CADPS: variants seen among roughly 807,000 people sequenced by gnomAD.
The protein encoded by CADPS is calcium-dependent secretion activator 1.
In CADPS, 57 loss-of-function variants were observed where a neutral mutation model predicts 167.3. The observed-to-expected ratio is 0.34, with a 90% CI of 0.28 to 0.42. The LOEUF (loss-of-function observed/expected upper bound fraction) is 0.42, where lower values mean the gene tolerates loss of function less well. CADPS is among the 20% of genes least tolerant of loss of function. CADPS has a pLI of 1.00. For missense variants in CADPS, 1,414 were observed against 1,738.1 expected, an observed-to-expected ratio of 0.81 and a Z score of 3.32; for synonymous variants, 676 against 635.3, an observed-to-expected ratio of 1.06 and a Z score of -0.96.
chr3:62,866,273 TTTTATAAA>T (rs1371055431), intron 1 of CADPS, among the ~76,000 whole-genome samples: 2 of 152,122 alleles, frequency 1.3e-5, no homozygotes, highest in Non-Finnish European at 2.9e-5. Context: ...TCTGAGAAGC[TTTTATAAA>T]AGTAAAAATT....
intron 3 of CADPS, among the ~76,000 whole-genome samples, chr3:62,741,426 T>C (rs1328666616): frequency 2.0e-5 from 3 of 152,192 alleles, no homozygotes; most frequent in East Asian, 3.8e-4. Flanking sequence ...TAATCCATTA[T>C]GATCAAGTAG....
rs34655412 is a variant in CADPS at position 62,491,536 on chromosome 3, A to AAC, written c.2885-58_2885-57dup. On this transcript the variant is annotated intron_variant, in intron 20 of 29. Coordinates refer to ENST00000383710, the MANE Select transcript of CADPS (RefSeq NM_003716.4). ...ACCCACAGCTACTTTATCAACGTAC[A>AAC]ACACACACACACACACACACAAACA... 6.6e-4 allele frequency: 667 copies of AAC among 1,004,776 alleles called. 2 individuals are homozygous for AAC. The highest frequency in any genetic ancestry group is 6.3e-3 in the African/African-American group (339 of 54,012). 62.2% of individuals were successfully genotyped at this position (1,004,776 alleles called of 1,614,324 possible).
At chr3:62,488,785 C>A (rs2063236255) in intron 21 of CADPS, among the ~76,000 whole-genome samples, 2 of 151,928 alleles carry the variant, frequency 1.3e-5, no homozygotes, top group South Asian at 4.1e-4. Context: ...CAACCACACC[C>A]AGCCCTTAGT....
chr3:62,645,870 G>A lies in CADPS; in HGVS notation c.1204-27C>T, dbSNP rs1481467722. The A allele has an allele frequency of 2.5e-6, 4 of 1,613,552 alleles. 1 individual carries two copies. In the Middle Eastern group the frequency reaches 5.0e-4, roughly 200 times the overall value. ...TGAAAAGAGAATTCCACATAATGGA[G>A]GTTATTGGCAAGGCCCCTGGCAGCA... On this transcript the variant is annotated intron_variant, in intron 5 of 29. Transcript: ENST00000383710.
intron 1 of CADPS, among the ~76,000 whole-genome samples, chr3:62,852,905 A>C (rs1327317724): frequency 7.2e-5 from 11 of 152,206 alleles, no homozygotes; most frequent in Admixed American, 7.2e-4. Context: ...CAGATCAGAG[A>C]TATGTTACTG....
At chr3:62,492,089 G>C (rs1026562148) in intron 20 of CADPS, among the ~76,000 whole-genome samples, 5 of 152,166 alleles carry the variant, frequency 3.3e-5, no homozygotes, top group East Asian at 1.9e-4. Flanking sequence ...AGTTAAGAGA[G>C]AGCGTCCCTA....
chr3:62,415,868 C>T (rs2049965212), intron 28 of CADPS, among the ~76,000 whole-genome samples: 1 of 152,140 alleles, frequency 6.6e-6, no homozygotes, highest in Admixed American at 6.5e-5. Flanking sequence ...AGTGGGGATG[C>T]TCTGCAAGTT....
At chr3:62,712,364 T>C (rs978359961) in intron 3 of CADPS, among the ~76,000 whole-genome samples, 4 of 152,230 alleles carry the variant, frequency 2.6e-5, no homozygotes, top group African/African-American at 7.2e-5. Flanking sequence ...AACACGGATA[T>C]TGGTAGTCTT....
At chr3:62,775,997 TTCCTCA>T (rs1445891457) in intron 1 of CADPS, among the ~76,000 whole-genome samples, 1 of 152,242 alleles carries the variant, frequency 6.6e-6, no homozygotes, top group African/African-American at 2.4e-5. Flanking sequence ...ACCAGCAGTC[TTCCTCA>T]TCATTGCTTT....
intron 3 of CADPS, among the ~76,000 whole-genome samples, chr3:62,733,306 G>A (rs1337232295): frequency 6.6e-6 from 1 of 152,182 alleles, no homozygotes; most frequent in Non-Finnish European, 1.5e-5. Context: ...TGTAATGAAG[G>A]CAAAGATGCC....
chr3:62,803,033 C>G (rs1193964745), intron 1 of CADPS, among the ~76,000 whole-genome samples: 3 of 152,152 alleles, frequency 2.0e-5, no homozygotes, highest in Non-Finnish European at 4.4e-5. Context: ...AAGGACAGGG[C>G]TGAGGCACAG....
At chr3:62,549,344 G>GTCT (rs1361419510) in intron 11 of CADPS, among the ~76,000 whole-genome samples, 16 of 151,782 alleles carry the variant, frequency 1.1e-4, no homozygotes, top group Admixed American at 3.9e-4. Flanking sequence ...GAGGTAAGAG[G>GTCT]AGAAAAAACT....
intron 9 of CADPS, among the ~76,000 whole-genome samples, chr3:62,564,982 A>G (rs2079875884): frequency 1.3e-5 from 2 of 152,194 alleles, no homozygotes; most frequent in Non-Finnish European, 2.9e-5. Context: ...CTAACCTGAT[A>G]TGGGTGATAA....
chr3:62,716,753 C>A (rs1057034425), intron 3 of CADPS, among the ~76,000 whole-genome samples: 1 of 152,172 alleles, frequency 6.6e-6, no homozygotes, highest in African/African-American at 2.4e-5. Context: ...TTGTGACTAA[C>A]GCCTATCATG....
At chr3:62,649,541 GTCTTTTTTTTTTTTTTT>G (rs2069493989) in intron 5 of CADPS, among the ~76,000 whole-genome samples, 1 of 75,010 alleles carries the variant, frequency 1.3e-5, no homozygotes, top group Non-Finnish European at 2.5e-5. Context: ...ACAATATGTG[GTCTTTTTTTTTTTTTTT>G]TTTTTTTTTT....
intron 3 of CADPS, among the ~76,000 whole-genome samples, chr3:62,678,403 A>G (rs946521020): frequency 5.9e-5 from 9 of 152,064 alleles, no homozygotes; most frequent in Non-Finnish European, 2.9e-5. Context: ...ACTAAATTCC[A>G]TTTTTAGTTA....
intron 3 of CADPS, among the ~76,000 whole-genome samples, chr3:62,679,352 C>T (rs548845812): frequency 6.6e-6 from 1 of 152,040 alleles, no homozygotes; most frequent in Non-Finnish European, 1.5e-5. Flanking sequence ...GGAGCTTCAT[C>T]CTAGAGGTGG....
intron 7 of CADPS, among the ~76,000 whole-genome samples, chr3:62,588,408 A>G (rs769616561): frequency 6.9e-6 from 1 of 145,506 alleles, no homozygotes; most frequent in Admixed American, 7.1e-5. Flanking sequence ...ACCAGTCATT[A>G]TTCCTATTTG....
chr3:62,708,994 C>G (rs983065103), intron 3 of CADPS, among the ~76,000 whole-genome samples: 10 of 152,046 alleles, frequency 6.6e-5, no homozygotes, highest in Admixed American at 6.5e-4. Flanking sequence ...AAATGAGCTC[C>G]CATGCTGGAA....
Sources: gnomAD v4.1 joint callset for allele counts (sites outside exome capture counted in the v4.1 genomes callset) on GRCh38, gnomAD v4.1.1 for gene constraint, MANE v1.5 for transcripts, NCBI Gene and HGNC (gene_info 2026-07-23, HGNC 2026-07-21) for gene names.